NBEA: variants seen among roughly 807,000 people sequenced by gnomAD.
The protein encoded by NBEA is neurobeachin.
Under a neutral mutation model 343.4 loss-of-function variants are expected in NBEA, and 44 were observed. The observed-to-expected ratio is 0.13, with a 90% CI of 0.10 to 0.16. The LOEUF (loss-of-function observed/expected upper bound fraction) is 0.16. Among genes scored for constraint, NBEA ranks in the 10% least tolerant of loss-of-function variants. The pLI, the probability that NBEA is intolerant of heterozygous loss-of-function variation, is 1.00. For synonymous variants in NBEA, 1,175 were observed against 1,238.7 expected (o/e 0.95, Z 1.08); for missense variants, 2,555 against 3,631.3 (o/e 0.70, Z 7.62).
rs2069395501 is a variant in NBEA at position 35,159,360 on chromosome 13, A to G, written c.3189A>G (p.Lys1063=). The change falls in exon 22 of 59, where the codon AAA becomes AAG. Residue 1063 remains lysine, a synonymous_variant. Transcript: ENST00000379939. ...TTTTAGTAGATATAAAAGCAGAGAA[A>G]GTGGAAGCAACAGAAGTAAAGCTCG... ...HDLLVDIKAE[K]VEATEVKLDD... 6.2e-7 allele frequency: 1 copy of G among 1,613,400 alleles called. No individual in the cohort carries two copies. The highest frequency in any genetic ancestry group is 1.1e-5 in the South Asian group (1 of 91,074).
intron 16 of NBEA, 52 bp from the exon 17 acceptor site, chr13:35,123,430 T>C: frequency 9.5e-7 from 1 of 1,052,050 alleles, no homozygotes; most frequent in Non-Finnish European, 1.3e-6. Context: ...TGTAGTGTGT[T>C]TTTGTTTTTA....
chr13:35,142,460 G>C, intron 18 of NBEA, 83 bp downstream of exon 18: 1 of 837,086 alleles, frequency 1.2e-6, no homozygotes, highest in Non-Finnish European at 1.8e-6. Flanking sequence ...ATGAGTAGTT[G>C]GTCTGTTAAT....
intron 41 of NBEA, among the ~76,000 whole-genome samples, chr13:35,544,502 C>A (rs1050220048): frequency 1.3e-5 from 2 of 152,130 alleles, no homozygotes; most frequent in African/African-American, 4.8e-5. Context: ...GAGTGCACAG[C>A]AGCCTTGTAT....
Position 35,174,640 on chromosome 13 carries a change from A to T in NBEA, c.4554+1046A>T, listed in dbSNP as rs115512485. On this transcript the variant is annotated intron_variant, in intron 27 of 58. Coordinates refer to ENST00000379939, the MANE Select transcript of NBEA (RefSeq NM_001385012.1). ...TTTGTAATTTGACTATATATTATTT[A>T]CTGCTCACAGGACTCCATAGTGCTC... Among the ~76,000 whole-genome samples, 706 of 152,122 alleles carry T rather than the reference A, an allele frequency of 4.6e-3. 6 individuals are homozygous for T. Among genetic ancestry groups the T allele is most frequent in the African/African-American group, 0.017 (688 of 41,496 alleles).
In NBEA at chr13:35,606,825, G is replaced by A. The variant is rs567587416; in HGVS notation, c.7449+247G>A. On this transcript the variant is annotated intron_variant, in intron 48 of 58. Transcript: ENST00000379939. The stretch of plus-strand genomic sequence containing the variant: ...TAATTCAGTTATGTTTGCTCCTTTA[G>A]GAGAAGACAATCAGATGAGCATCTG... Among the ~76,000 whole-genome samples, 48 of 152,230 alleles carry A rather than the reference G, an allele frequency of 3.2e-4. No homozygotes were observed. The South Asian group carries it at 8.9e-3, about 28-fold the overall frequency.
At chr13:35,010,741 A>AATATATATATATATAT (rs869140392) in intron 1 of NBEA, among the ~76,000 whole-genome samples, 3 of 31,946 alleles carry the variant, frequency 9.4e-5, no homozygotes, top group East Asian at 3.8e-3. Flanking sequence ...AAAAAAAAAA[A>AATATATATATATATAT]ATATATATAT....
intron 1 of NBEA, among the ~76,000 whole-genome samples, chr13:35,021,605 CTT>C (rs2061841601): frequency 6.6e-6 from 1 of 151,342 alleles, no homozygotes; most frequent in African/African-American, 2.4e-5. Flanking sequence ...TACACATACT[CTT>C]GATTTATTAA....
intron 33 of NBEA, among the ~76,000 whole-genome samples, chr13:35,219,844 A>G (rs2074265257): frequency 6.6e-6 from 1 of 152,088 alleles, no homozygotes; most frequent in Admixed American, 6.6e-5. Context: ...TTTTTGTTCT[A>G]TTCATATCTT....
At chr13:35,572,785 G>A (rs2080502955) in intron 45 of NBEA, among the ~76,000 whole-genome samples, 1 of 152,074 alleles carries the variant, frequency 6.6e-6, no homozygotes, top group African/African-American at 2.4e-5. Context: ...CCAGGCTGGA[G>A]TGCAGTGGCA....
At chr13:35,521,125 C>G (rs1028912906) in intron 41 of NBEA, among the ~76,000 whole-genome samples, 2 of 151,722 alleles carry the variant, frequency 1.3e-5, no homozygotes, top group Admixed American at 6.6e-5. Context: ...CCCAGGATAA[C>G]CTTGCAATAA....
chr13:35,232,826 G>T (rs1465407087), intron 34 of NBEA, among the ~76,000 whole-genome samples: 1 of 151,962 alleles, frequency 6.6e-6, no homozygotes, highest in African/African-American at 2.4e-5. Flanking sequence ...AGAAAACTTT[G>T]AAGATGAAGA....
intron 49 of NBEA, among the ~76,000 whole-genome samples, chr13:35,633,302 C>T (rs576718709): frequency 1.6e-3 from 243 of 151,314 alleles, no homozygotes; most frequent in African/African-American, 5.5e-3. Context: ...TGGGGTTTCA[C>T]CATGTTAGCC....
chr13:35,111,093 A>C (rs2066179584), intron 13 of NBEA, 115 bp downstream of exon 13: 4 of 842,598 alleles, frequency 4.7e-6, no homozygotes, highest in Non-Finnish European at 4.9e-6. Flanking sequence ...TTTCTTTCTT[A>C]TATAGCAAAC....
At chr13:35,004,850 C>T (rs1246093157) in intron 1 of NBEA, among the ~76,000 whole-genome samples, 1 of 152,116 alleles carries the variant, frequency 6.6e-6, no homozygotes, top group African/African-American at 2.4e-5. Flanking sequence ...ATTAATAGAA[C>T]AGTGTGAATT....
At chr13:35,308,454 A>ATATATATATATG (rs2037066004) in intron 35 of NBEA, among the ~76,000 whole-genome samples, 2 of 117,098 alleles carry the variant, frequency 1.7e-5, no homozygotes, top group South Asian at 2.5e-4. Context: ...ATATATATAT[A>ATATATATATATG]TATATATATA....
In NBEA at chr13:35,645,873, C is replaced by G; in HGVS notation, c.7622C>G (p.Pro2541Arg). 1 of 1,565,330 alleles carries G rather than the reference C, an allele frequency of 6.4e-7. No individual in the cohort carries two copies. The highest frequency in any genetic ancestry group is 1.2e-5 in the South Asian group (1 of 85,974). Reference protein sequence around the residue: ...SITDPVLREIPEAYFIRDPHT... With the variant: ...SITDPVLREIREAYFIRDPHT... ...TTCTTTTTTTTCCCCATTAAGATTC[C>G]AGAAGCTTATTTCATTAGAGACCCC... The change falls in exon 50 of 59, where the codon CCA becomes CGA. Residue 2541 changes from proline (P) to arginine (R), a missense_variant. By Grantham distance (103) the Pro-to-Arg change is moderately radical. This residue lies in a region of NBEA where 87 missense variants were observed against 75.0 expected (regional missense o/e 1.16). Coordinates refer to ENST00000379939, the MANE Select transcript of NBEA (RefSeq NM_001385012.1).
chr13:35,179,369 T>G (rs1401232041), intron 28 of NBEA, among the ~76,000 whole-genome samples: 2 of 151,450 alleles, frequency 1.3e-5, no homozygotes, highest in African/African-American at 4.8e-5. Context: ...CGGAGAAACA[T>G]TATATAGCTC....
At chr13:35,376,199 G>A (rs1227170548) in intron 38 of NBEA, among the ~76,000 whole-genome samples, 2 of 152,132 alleles carry the variant, frequency 1.3e-5, no homozygotes, top group Admixed American at 6.5e-5. Context: ...TACGGGTGCT[G>A]TTGTCAAGTA....
chr13:35,010,628 A>G (rs932597752), intron 1 of NBEA, among the ~76,000 whole-genome samples: 2 of 147,540 alleles, frequency 1.4e-5, no homozygotes, highest in African/African-American at 5.0e-5. Flanking sequence ...CGTGCCTGTA[A>G]TCCCAGCAGC....
Sources: gnomAD v4.1 joint callset for allele counts (sites outside exome capture counted in the v4.1 genomes callset) on GRCh38, gnomAD v4.1.1 for gene constraint, gnomAD v4.1.1 regional missense constraint, MANE v1.5 for transcripts, NCBI Gene and HGNC (gene_info 2026-07-23, HGNC 2026-07-21) for gene names.